KAT2B: variants seen among roughly 807,000 people sequenced by gnomAD.
KAT2B encodes the protein lysine acetyltransferase 2B.
KAT2B carries 36 observed loss-of-function variants against 105.9 expected under a neutral mutation model. The ratio of observed to expected loss-of-function variants is 0.34; its 90% CI spans 0.26 to 0.45. The LOEUF is 0.45. Ranked by LOEUF, KAT2B falls within the 20% of genes least tolerant of loss-of-function variation. The pLI is 1.00. For synonymous variants in KAT2B, 397 were observed against 377.9 expected (o/e 1.05, Z -0.59); for missense variants, 820 against 1,021.6 (o/e 0.80, Z 2.69).
intron 5 of KAT2B, among the ~76,000 whole-genome samples, chr3:20,109,253 T>G (rs942163230): frequency 1.1e-4 from 17 of 152,100 alleles, no homozygotes; most frequent in African/African-American, 4.1e-4. Context: ...GTTTCATTAC[T>G]AGTTATTTGA....
At position 20,127,405 on chromosome 3, in the gene KAT2B, A is replaced by G; in HGVS notation, c.1623-18A>G. The G allele has an allele frequency of 6.2e-7, 1 of 1,609,014 alleles. No homozygotes were observed. The highest frequency in any genetic ancestry group is 8.5e-7 in the Non-Finnish European group (1 of 1,175,698). The stretch of plus-strand genomic sequence containing the variant: ...TAACTAGGATAGGTAAAACTTTGAC[A>G]TAATCTTATTCTTTCAGGAAACACA... On this transcript the variant is annotated intron_variant, in intron 10 of 17. Transcript: ENST00000263754.
chr3:20,096,876 G>A (rs1394784265), intron 3 of KAT2B, among the ~76,000 whole-genome samples: 2 of 152,054 alleles, frequency 1.3e-5, no homozygotes, highest in African/African-American at 4.8e-5. Flanking sequence ...ATAGGAGTGG[G>A]AGGTAGAATT....
At chr3:20,077,161 T>G (rs567843548) in intron 2 of KAT2B, among the ~76,000 whole-genome samples, 1 of 152,260 alleles carries the variant, frequency 6.6e-6, no homozygotes, top group South Asian at 2.1e-4. Context: ...GAAAGAACAT[T>G]CAGTTGGGAA....
At chr3:20,098,059 G>A (rs1698842462) in intron 3 of KAT2B, among the ~76,000 whole-genome samples, 1 of 151,832 alleles carries the variant, frequency 6.6e-6, no homozygotes, top group South Asian at 2.1e-4. Context: ...GTGAAACTCT[G>A]TCTCTATAAA....
chr3:20,138,855 T>A (rs1170181244), intron 12 of KAT2B, among the ~76,000 whole-genome samples: 2 of 152,196 alleles, frequency 1.3e-5, no homozygotes, highest in Non-Finnish European at 2.9e-5. Flanking sequence ...TTAAAGATGT[T>A]ATTACATAAA....
chr3:20,109,083 A>G (rs1236082922), intron 5 of KAT2B, among the ~76,000 whole-genome samples: 1 of 152,214 alleles, frequency 6.6e-6, no homozygotes, highest in Non-Finnish European at 1.5e-5. Flanking sequence ...TGTTTGCACA[A>G]TGATAAAATC....
At chr3:20,065,571 G>A (rs976230223) in intron 1 of KAT2B, among the ~76,000 whole-genome samples, 2 of 105,012 alleles carry the variant, frequency 1.9e-5, no homozygotes, top group Non-Finnish European at 5.4e-5. Context: ...AGCATTGACT[G>A]TTTTTTAAAG....
intron 1 of KAT2B, among the ~76,000 whole-genome samples, chr3:20,045,355 A>T (rs1187007221): frequency 1.6e-5 from 2 of 124,822 alleles, no homozygotes; most frequent in Non-Finnish European, 3.4e-5. Context: ...TTATTTATTT[A>T]TTTATTTATT....
At chr3:20,115,110 G>A in intron 7 of KAT2B, 122 bp downstream of exon 7, 1 of 633,438 alleles carries the variant, frequency 1.6e-6, no homozygotes, top group East Asian at 2.7e-5. Context: ...ATAGTCAAAT[G>A]CTGGCTATTT....
intron 2 of KAT2B, among the ~76,000 whole-genome samples, chr3:20,083,670 T>A (rs534500908): frequency 4.5e-4 from 69 of 152,248 alleles, no homozygotes; most frequent in African/African-American, 1.7e-3. Flanking sequence ...GGGGGCTATT[T>A]TATTATAGTA....
intron 2 of KAT2B, among the ~76,000 whole-genome samples, chr3:20,082,463 A>G (rs1698537064): frequency 6.6e-6 from 1 of 152,208 alleles, no homozygotes; most frequent in African/African-American, 2.4e-5. Context: ...TCTTTATAAC[A>G]TATTTTCCTT....
At chr3:20,092,825 C>A (rs1174419241) in intron 2 of KAT2B, among the ~76,000 whole-genome samples, 1 of 152,042 alleles carries the variant, frequency 6.6e-6, no homozygotes, top group Non-Finnish European at 1.5e-5. Flanking sequence ...CCTCAGCCTC[C>A]TGAGTAGCTA....
chr3:20,102,042 C>T (rs1218840041), intron 5 of KAT2B, among the ~76,000 whole-genome samples: 1 of 152,084 alleles, frequency 6.6e-6, no homozygotes, highest in Admixed American at 6.5e-5. Context: ...TTAGGCTGGG[C>T]ATGGTGGCTC....
intron 11 of KAT2B, among the ~76,000 whole-genome samples, chr3:20,129,971 AATT>A (rs143451150): frequency 2.7e-5 from 4 of 150,882 alleles, no homozygotes; most frequent in African/African-American, 2.4e-5. Context: ...CATTTTTTAA[AATT>A]ATTATTATTA....
At chr3:20,146,629 C>G (rs1699787796) in intron 14 of KAT2B, 199 bp downstream of exon 14, 7 of 429,220 alleles carry the variant, frequency 1.6e-5, no homozygotes, top group Non-Finnish European at 3.0e-5. Context: ...CCAAAGGGAG[C>G]TTAGATGCCC....
At chr3:20,137,345 C>A (rs913192685) in intron 12 of KAT2B, among the ~76,000 whole-genome samples, 3 of 152,112 alleles carry the variant, frequency 2.0e-5, no homozygotes, top group Admixed American at 1.3e-4. Flanking sequence ...AATTCCCAGT[C>A]CTGGAATTTG....
intron 2 of KAT2B, among the ~76,000 whole-genome samples, chr3:20,086,623 A>G (rs1223481659): frequency 6.6e-6 from 1 of 151,998 alleles, no homozygotes; most frequent in Non-Finnish European, 1.5e-5. Flanking sequence ...CCCCACAAAA[A>G]TGCTGTATTG....
rs111729900 is a variant in KAT2B, at chr3:20,046,356, C to T, written c.303+5576C>T. ...CAGCAGTTTGGGTGGCCAAGGCAGA[C>T]GGATCACTTGAGCTCACGAGTTCGA... On this transcript the variant is annotated intron_variant, in intron 1 of 17. Coordinates refer to ENST00000263754, the MANE Select transcript of KAT2B (RefSeq NM_003884.5). Among the ~76,000 whole-genome samples the T allele has an allele frequency of 8.9e-3, 1,350 of 152,196 alleles. 21 individuals are homozygous for T. Among genetic ancestry groups the T allele is most frequent in the African/African-American group, 0.03 (1,240 of 41,506 alleles).
intron 4 of KAT2B, chr3:20,101,084 C>T (rs916716342): frequency 5.4e-6 from 3 of 551,154 alleles, no homozygotes; most frequent in Non-Finnish European, 9.7e-6. Context: ...GCCTCTCTGT[C>T]TTGTCACTTT....
Sources: gnomAD v4.1 joint callset for allele counts (sites outside exome capture counted in the v4.1 genomes callset) on GRCh38, gnomAD v4.1.1 for gene constraint, MANE v1.5 for transcripts, NCBI Gene and HGNC (gene_info 2026-07-23, HGNC 2026-07-21) for gene names.